Variants in SV2C observed in about 807,000 individuals in gnomAD.
SV2C encodes synaptic vesicle glycoprotein 2C, also known as solute carrier family 22 member B3.
Under a neutral mutation model 79.7 loss-of-function variants are expected in SV2C, and 49 were observed. The ratio of observed to expected loss-of-function variants is 0.61; its 90% CI spans 0.49 to 0.78. SV2C has a LOEUF of 0.78. Among genes scored for constraint, SV2C ranks in the 30% least tolerant of loss-of-function variants. The probability of loss-of-function intolerance (pLI) is 0.00; values close to 1 mark genes in which losing one functional copy is unlikely to be tolerated. For synonymous variants in SV2C, 334 were observed against 333.2 expected (o/e 1.00, Z -0.03); for missense variants, 833 against 912.9 (o/e 0.91, Z 1.13).
At chr5:76,015,811 A>T in the SV2C span, among the ~76,000 whole-genome samples, 1 of 152,136 alleles carries the variant, frequency 6.6e-6, no homozygotes, top group South Asian at 2.1e-4. Flanking sequence ...AAATGATTTT[A>T]ATAATTACTT....
At chr5:76,077,722 CA>C in the SV2C span, among the ~76,000 whole-genome samples, 1 of 152,150 alleles carries the variant, frequency 6.6e-6, no homozygotes, top group African/African-American at 2.4e-5. Context: ...GGCATTTGGT[CA>C]AGACTACAAT....
At chr5:76,057,057 GC>G in the SV2C span, among the ~76,000 whole-genome samples, 1 of 151,942 alleles carries the variant, frequency 6.6e-6, no homozygotes. Flanking sequence ...ATTTGCTCTT[GC>G]TTTTCTAGTT....
intron 4 of SV2C, among the ~76,000 whole-genome samples, chr5:76,217,798 T>A (rs1165531812): frequency 6.6e-6 from 1 of 152,074 alleles, no homozygotes; most frequent in Non-Finnish European, 1.5e-5. Context: ...AACCAAGGTA[T>A]TAAAACAATA....
At chr5:76,146,787 AG>A (rs1160248703) in intron 2 of SV2C, among the ~76,000 whole-genome samples, 8 of 76,136 alleles carry the variant, frequency 1.1e-4, no homozygotes, top group Non-Finnish European at 1.8e-4. Context: ...TAAAGGAATG[AG>A]TTTTTTTTTA....
intron 4 of SV2C, among the ~76,000 whole-genome samples, chr5:76,255,672 C>T (rs1746240544): frequency 6.6e-6 from 1 of 152,220 alleles, no homozygotes; most frequent in African/African-American, 2.4e-5. Flanking sequence ...CAGCACCGTG[C>T]CTGTGAAAGC....
At chr5:76,338,733 C>A (rs527663475), downstream of SV2C, among the ~76,000 whole-genome samples, 250 of 150,450 alleles carry the variant, frequency 1.7e-3, no homozygotes, top group African/African-American at 5.6e-3. Flanking sequence ...TCTTGGCTCA[C>A]TGCAACCTCC....
the SV2C span, among the ~76,000 whole-genome samples, chr5:76,032,038 A>G: frequency 6.6e-6 from 1 of 152,174 alleles, no homozygotes; most frequent in African/African-American, 2.4e-5. Context: ...GACTCTACAT[A>G]TATTTGTTTC....
intron 1 of SV2C, among the ~76,000 whole-genome samples, chr5:76,099,206 G>A (rs1057438875): frequency 1.3e-5 from 2 of 151,964 alleles, no homozygotes; most frequent in Non-Finnish European, 2.9e-5. Context: ...CTTACTAGAC[G>A]ATTTTGAAAT....
the SV2C span, among the ~76,000 whole-genome samples, chr5:75,964,763 T>A: frequency 6.6e-6 from 1 of 152,260 alleles, no homozygotes; most frequent in Non-Finnish European, 1.5e-5. Flanking sequence ...ATTCTCTGTA[T>A]TACTATGAGT....
intron 12 of SV2C, among the ~76,000 whole-genome samples, chr5:76,322,046 C>T (rs979509193): frequency 2.0e-5 from 3 of 152,150 alleles, no homozygotes; most frequent in Non-Finnish European, 4.4e-5. Flanking sequence ...CAGAGTATTT[C>T]ACCTCCATAG....
the SV2C span, among the ~76,000 whole-genome samples, chr5:76,064,559 C>T: frequency 2.1e-4 from 32 of 152,168 alleles, no homozygotes; most frequent in African/African-American, 7.5e-4. Context: ...TTAAAGCCTT[C>T]TCTTTGTGGG....
the SV2C span, among the ~76,000 whole-genome samples, chr5:76,020,938 A>G: frequency 6.6e-6 from 1 of 152,254 alleles, no homozygotes; most frequent in Non-Finnish European, 1.5e-5. Flanking sequence ...GTCACCAAAC[A>G]GGAACACTAA....
chr5:76,319,316 G>T (rs972480364), intron 12 of SV2C, among the ~76,000 whole-genome samples: 5 of 151,928 alleles, frequency 3.3e-5, no homozygotes, highest in African/African-American at 1.2e-4. Context: ...CTACCAAAAG[G>T]CTGAGGTGGG....
chr5:76,188,744 T>C (rs1390588813), intron 2 of SV2C, among the ~76,000 whole-genome samples: 3 of 150,094 alleles, frequency 2.0e-5, no homozygotes, highest in Non-Finnish European at 4.4e-5. Flanking sequence ...TGACAAAAAA[T>C]AGCAAATTGT....
intron 12 of SV2C, among the ~76,000 whole-genome samples, chr5:76,322,521 A>AATT (rs1255915493): frequency 1.3e-5 from 2 of 152,220 alleles, no homozygotes; most frequent in African/African-American, 4.8e-5. Context: ...TTCTTCACAG[A>AATT]ATTAGAAAAA....
the SV2C span, among the ~76,000 whole-genome samples, chr5:76,052,656 G>T: frequency 6.6e-6 from 1 of 152,200 alleles, no homozygotes; most frequent in Admixed American, 6.5e-5. Context: ...AACACATCAT[G>T]CTGCTGGCTT....
the SV2C span, among the ~76,000 whole-genome samples, chr5:76,025,014 C>T: frequency 1.3e-5 from 2 of 152,132 alleles, no homozygotes; most frequent in South Asian, 2.1e-4. Flanking sequence ...CCTTTCCTTA[C>T]CCAGTGCTGC....
the SV2C span, among the ~76,000 whole-genome samples, chr5:75,986,031 T>C: frequency 6.6e-5 from 10 of 150,822 alleles, no homozygotes; most frequent in Non-Finnish European, 1.5e-5. Flanking sequence ...ATAAATGTAG[T>C]GTTACAATAT....
the SV2C span, among the ~76,000 whole-genome samples, chr5:75,973,847 C>A: frequency 2.0e-5 from 3 of 151,992 alleles, no homozygotes; most frequent in Non-Finnish European, 4.4e-5. Flanking sequence ...TATAGGTAAA[C>A]TAACCTCATG....
Sources: allele counts gnomAD v4.1 joint callset (sites outside exome capture counted in the v4.1 genomes callset), GRCh38; gene constraint gnomAD v4.1.1; transcripts MANE v1.5; gene names NCBI Gene and HGNC (gene_info 2026-07-23, HGNC 2026-07-21).